The following SNAP25 variants were observed in gnomAD, a reference collection of about 807,000 sequenced individuals.
SNAP25 encodes the protein synaptosome associated protein 25, also known as synaptosomal-associated protein 25.
In SNAP25, 3 loss-of-function variants were observed where a neutral mutation model predicts 28.7. The observed-to-expected ratio is 0.10, with a 90% CI of 0.05 to 0.27. SNAP25 has a LOEUF of 0.27. Ranked by LOEUF, SNAP25 falls within the 10% of genes least tolerant of loss-of-function variation. SNAP25 has a pLI of 1.00. For missense variants in SNAP25, 117 were observed against 278.7 expected, an observed-to-expected ratio of 0.42 and a Z score of 4.13; for synonymous variants, 61 against 88.1, an observed-to-expected ratio of 0.69 and a Z score of 1.72.
At chr20:10,272,333 C>T (rs2063609961) in intron 1 of SNAP25, among the ~76,000 whole-genome samples, 1 of 152,166 alleles carries the variant, frequency 6.6e-6, no homozygotes, top group Admixed American at 6.5e-5. Context: ...TGAACTTACC[C>T]AGACTCACCC....
intron 1 of SNAP25, among the ~76,000 whole-genome samples, chr20:10,245,180 C>T (rs1298614640): frequency 6.6e-6 from 1 of 152,200 alleles, no homozygotes; most frequent in Non-Finnish European, 1.5e-5. Context: ...ATTAAGCATT[C>T]TCCCCCAAAG....
chr20:10,276,830 A>T (rs1005756351), intron 2 of SNAP25, among the ~76,000 whole-genome samples: 2 of 152,180 alleles, frequency 1.3e-5, no homozygotes, highest in African/African-American at 4.8e-5. Flanking sequence ...GAATACATGT[A>T]TGTATTTGTG....
Position 10,306,412 on chromosome 20 carries a change from C to T in SNAP25, c.*215C>T. ...CTTTCCAAAGGTTGTACATAGTGGT[C>T]ATTTGGTGGCTCTAACTCCTTGAGG... On this transcript the variant is annotated 3_prime_UTR_variant, in exon 8 of 8. Coordinates refer to ENST00000254976, the MANE Select transcript of SNAP25 (RefSeq NM_130811.4). 2.2e-6 allele frequency: 1 copy of T among 445,326 alleles called. No individual in the cohort carries two copies. Among genetic ancestry groups the T allele is most frequent in the Non-Finnish European group, 4.0e-6 (1 of 247,108 alleles). The allele number at this position is 445,326 out of a possible 1,614,324, so 27.6% of individuals were successfully genotyped here.
At chr20:10,237,252 A>G (rs1158497) in intron 1 of SNAP25, among the ~76,000 whole-genome samples, 136,765 of 152,146 alleles carry the variant, frequency 0.9, 61,529 homozygotes, top group Middle Eastern at 0.95. Context: ...TGGATTGCCT[A>G]ACCTGAAAGG....
intron 1 of SNAP25, among the ~76,000 whole-genome samples, chr20:10,221,935 A>G (rs1182592444): frequency 6.6e-6 from 1 of 152,262 alleles, no homozygotes; most frequent in African/African-American, 2.4e-5. Context: ...AATAGAAAAT[A>G]TGCTTTTTAG....
intron 1 of SNAP25, among the ~76,000 whole-genome samples, chr20:10,236,595 GC>G (rs2062926122): frequency 1.3e-5 from 2 of 152,006 alleles, no homozygotes; most frequent in African/African-American, 4.8e-5. Context: ...ACAATTCTCT[GC>G]CAGTCCTCTG....
chr20:10,275,617 G>T (rs1032556437), intron 2 of SNAP25, 54 bp downstream of exon 2: 1 of 1,444,848 alleles, frequency 6.9e-7, no homozygotes, highest in African/African-American at 1.4e-5. Flanking sequence ...TGAGTGGTTT[G>T]TCTTATTCAG....
intron 1 of SNAP25, among the ~76,000 whole-genome samples, chr20:10,242,224 G>A (rs140088099): frequency 9.9e-5 from 15 of 152,260 alleles, no homozygotes; most frequent in East Asian, 1.9e-4. Flanking sequence ...AGAATGGGGC[G>A]GGAGAAAGAA....
At chr20:10,305,494 A>T (rs2064333382) in intron 7 of SNAP25, among the ~76,000 whole-genome samples, 1 of 152,164 alleles carries the variant, frequency 6.6e-6, no homozygotes, top group Admixed American at 6.5e-5. Flanking sequence ...ATGAGCTATG[A>T]TCACACCGCT....
chr20:10,284,279 C>T (rs1240985892), intron 3 of SNAP25, among the ~76,000 whole-genome samples: 1 of 152,080 alleles, frequency 6.6e-6, no homozygotes, highest in Non-Finnish European at 1.5e-5. Flanking sequence ...TCCCATGGGG[C>T]ATCCCTCCCC....
intron 7 of SNAP25, among the ~76,000 whole-genome samples, chr20:10,303,003 C>A (rs1424338154): frequency 6.6e-6 from 1 of 152,114 alleles, no homozygotes; most frequent in Non-Finnish European, 1.5e-5. Context: ...CAGGTGAAGG[C>A]CCCTCAGTGC....
intron 6 of SNAP25, among the ~76,000 whole-genome samples, chr20:10,297,985 A>T (rs1466906316): frequency 7.4e-6 from 1 of 134,320 alleles, no homozygotes; most frequent in East Asian, 2.0e-4. Flanking sequence ...CATTTCCTTT[A>T]AAAAAAAAAA....
intron 3 of SNAP25, among the ~76,000 whole-genome samples, chr20:10,281,616 G>T (rs1300589643): frequency 6.6e-6 from 1 of 152,220 alleles, no homozygotes; most frequent in African/African-American, 2.4e-5. Context: ...ATAAACGGCA[G>T]AGATGAAGTT....
chr20:10,257,936 G>C (rs1328750865), intron 1 of SNAP25, among the ~76,000 whole-genome samples: 1 of 145,654 alleles, frequency 6.9e-6, no homozygotes, highest in African/African-American at 2.5e-5. Context: ...AAATTTCATA[G>C]AATAGTGCCC....
intron 1 of SNAP25, among the ~76,000 whole-genome samples, chr20:10,266,272 T>C (rs1053091382): frequency 3.3e-5 from 5 of 152,216 alleles, no homozygotes; most frequent in African/African-American, 1.2e-4. Flanking sequence ...CTTAACAATA[T>C]ATTCCCTTAG....
At chr20:10,260,714 C>A (rs201701856) in intron 1 of SNAP25, among the ~76,000 whole-genome samples, 332 of 93,776 alleles carry the variant, frequency 3.5e-3, no homozygotes, top group African/African-American at 0.012. Flanking sequence ...CACACACACA[C>A]ACACACACAA....
At chr20:10,223,643 T>C (rs192136511) in intron 1 of SNAP25, among the ~76,000 whole-genome samples, 50 of 151,458 alleles carry the variant, frequency 3.3e-4, no homozygotes, top group South Asian at 1.9e-3. Flanking sequence ...ACTGAGGAAG[T>C]AGGACATGAT....
intron 1 of SNAP25, among the ~76,000 whole-genome samples, chr20:10,242,705 G>A (rs945555094): frequency 1.3e-5 from 2 of 152,198 alleles, no homozygotes; most frequent in Non-Finnish European, 2.9e-5. Context: ...ATTGCCTACA[G>A]ATGCTCTCCA....
At chr20:10,263,870 G>A (rs748016436) in intron 1 of SNAP25, among the ~76,000 whole-genome samples, 18 of 152,050 alleles carry the variant, frequency 1.2e-4, no homozygotes, top group Admixed American at 2.0e-4. Context: ...ACCTGTTACC[G>A]TGGTTTGTTT....
Sources: gnomAD v4.1 joint callset for allele counts (sites outside exome capture counted in the v4.1 genomes callset) on GRCh38, gnomAD v4.1.1 for gene constraint, MANE v1.5 for transcripts, NCBI Gene and HGNC (gene_info 2026-07-23, HGNC 2026-07-21) for gene names.